The following ITPR2 variants were observed in gnomAD, a reference collection of about 807,000 sequenced individuals.
ITPR2 encodes inositol 1,4,5-trisphosphate-gated calcium channel ITPR2.
Under a neutral mutation model 317.1 loss-of-function variants are expected in ITPR2, and 207 were observed. That is an observed-to-expected ratio of 0.65 (90% CI 0.58 to 0.73). ITPR2 has a LOEUF of 0.73. Ranked by LOEUF, ITPR2 falls within the 30% of genes least tolerant of loss-of-function variation. ITPR2 has a pLI of 0.00. For missense variants in ITPR2, 2,613 were observed against 3,284.0 expected, an observed-to-expected ratio of 0.80 and a Z score of 4.99; for synonymous variants, 1,156 against 1,149.1, an observed-to-expected ratio of 1.01 and a Z score of -0.12.
chr12:26,565,063 T>G (rs946341916), intron 34 of ITPR2, among the ~76,000 whole-genome samples: 2 of 152,162 alleles, frequency 1.3e-5, no homozygotes, highest in African/African-American at 2.4e-5. Context: ...AACACGGACT[T>G]TATGTCCATC....
At chr12:26,609,519 G>T (rs561857490) in intron 26 of ITPR2, among the ~76,000 whole-genome samples, 64 of 152,098 alleles carry the variant, frequency 4.2e-4, no homozygotes, top group Non-Finnish European at 8.2e-4. Flanking sequence ...AGGGAGGATC[G>T]CTGGAGCCTA....
chr12:26,730,737 C>T (rs1949012547), intron 2 of ITPR2, among the ~76,000 whole-genome samples: 1 of 152,172 alleles, frequency 6.6e-6, no homozygotes, highest in Non-Finnish European at 1.5e-5. Context: ...AATTAAGCCA[C>T]TCAGAAGTGT....
chr12:26,459,268 G>T (rs899337893), intron 45 of ITPR2, among the ~76,000 whole-genome samples: 2 of 152,210 alleles, frequency 1.3e-5, no homozygotes, highest in African/African-American at 4.8e-5. Context: ...AATGCCACCA[G>T]TGTTTCTCTC....
At chr12:26,828,048 G>C (rs777679773) in intron 1 of ITPR2, among the ~76,000 whole-genome samples, 1 of 152,156 alleles carries the variant, frequency 6.6e-6, no homozygotes, top group Non-Finnish European at 1.5e-5. Context: ...TACCCCCAGG[G>C]GGATGGGCCA....
chr12:26,827,510 A>C (rs1951025968), intron 1 of ITPR2, among the ~76,000 whole-genome samples: 1 of 152,196 alleles, frequency 6.6e-6, no homozygotes, highest in African/African-American at 2.4e-5. Flanking sequence ...GGCCTCCAAG[A>C]GAGGTCCGGT....
Position 26,466,440 on chromosome 12 carries a change from C to A in ITPR2, c.6342+8856G>T, listed in dbSNP as rs1423262439. Among the ~76,000 whole-genome samples, 4 of 152,200 alleles carry A rather than the reference C, an allele frequency of 2.6e-5. No individual in the cohort carries two copies. The South Asian group carries it at 8.3e-4, about 31-fold the overall frequency. ...GCCAAGGCCTCGGGTATACTTAGAT[C>A]CTCTTTCCTTCTCATGGCTTTTGAT... is the stretch of plus-strand genomic sequence containing the variant. On this transcript the variant is annotated intron_variant, in intron 45 of 56. Coordinates refer to ENST00000381340, the MANE Select transcript of ITPR2 (RefSeq NM_002223.4).
At chr12:26,641,848 G>A (rs1042736446) in intron 21 of ITPR2, among the ~76,000 whole-genome samples, 1 of 152,138 alleles carries the variant, frequency 6.6e-6, no homozygotes, top group African/African-American at 2.4e-5. Flanking sequence ...GGTGGAATGA[G>A]GAGAGTCCTT....
rs113293759 is a variant in ITPR2 at position 26,635,784 on chromosome 12, T to C, written c.2741-3725A>G. On this transcript the variant is annotated intron_variant, in intron 21 of 56. Transcript: ENST00000381340. ...CTTGCTGGAAAATATCTTTACTTTC[T>C]AGAACTAGAGCAGTTTTCTATTTCA... Among the ~76,000 whole-genome samples, 970 of 152,342 alleles carry C rather than the reference T, an allele frequency of 6.4e-3. 8 individuals carry two copies. Among genetic ancestry groups the C allele is most frequent in the African/African-American group, 0.022 (899 of 41,592 alleles).
At position 26,394,839 on chromosome 12, in the gene ITPR2, G is replaced by T. The variant is rs1436371518; in HGVS notation, c.7696+4037C>A. Among the ~76,000 whole-genome samples, 2 of 152,158 alleles carry T rather than the reference G, an allele frequency of 1.3e-5. 1 individual carries two copies. The highest frequency in any genetic ancestry group is 4.8e-5 in the African/African-American group (2 of 41,442). ...GATGTGGGTGAGATTGTGAAGGTGG[G>T]TTCATTAGCGCATGGTAGCTAGGGC... On this transcript the variant is annotated intron_variant, in intron 54 of 56. Transcript: ENST00000381340.
intron 32 of ITPR2, among the ~76,000 whole-genome samples, chr12:26,583,972 C>T (rs1373144093): frequency 6.6e-6 from 1 of 152,054 alleles, no homozygotes; most frequent in Non-Finnish European, 1.5e-5. Context: ...GTAATAAGGA[C>T]ACAAATTATT....
At position 26,487,184 on chromosome 12, in the gene ITPR2, C is replaced by A. The variant is rs201167858; in HGVS notation, c.5438G>T (p.Arg1813Leu). Residue 1813 changes from arginine (R) to leucine (L), a missense_variant, in exon 40 of 57, where the codon CGA becomes CTA. By Grantham distance (102) the Arg-to-Leu change is moderately radical. Around this residue, in one of 9 missense-constraint regions of ITPR2, gnomAD observed 926 missense variants for 1,072.8 expected, o/e 0.86. Coordinates refer to ENST00000381340, the MANE Select transcript of ITPR2 (RefSeq NM_002223.4). ...TATTTCTTTCTGAGCAGCCTTCATT[C>A]GATCATAGAGAACTTTAAAGAATTT... is the stretch of plus-strand genomic sequence containing the variant. Reference protein sequence around the residue: ...SEKFFKVLYDRMKAAQKEIRS... With the variant: ...SEKFFKVLYDLMKAAQKEIRS... 1 of 1,612,870 alleles carries A rather than the reference C, an allele frequency of 6.2e-7. No homozygotes were observed. Among genetic ancestry groups the A allele is most frequent in the African/African-American group, 1.3e-5 (1 of 74,804 alleles).
chr12:26,568,371 C>CT (rs1455195838), intron 34 of ITPR2, among the ~76,000 whole-genome samples: 1 of 151,758 alleles, frequency 6.6e-6, no homozygotes, highest in Non-Finnish European at 1.5e-5. Context: ...AGAGCTCTGC[C>CT]TAGAGATAAC....
chr12:26,581,600 G>A (rs565022433), intron 32 of ITPR2, among the ~76,000 whole-genome samples: 3 of 152,178 alleles, frequency 2.0e-5, no homozygotes, highest in Admixed American at 6.6e-5. Context: ...AAATGAAAGA[G>A]GGATTAAGGA....
intron 50 of ITPR2, among the ~76,000 whole-genome samples, chr12:26,417,000 A>T (rs1284652501): frequency 6.6e-6 from 1 of 152,186 alleles, no homozygotes; most frequent in East Asian, 1.9e-4. Flanking sequence ...AAAGCTGTTG[A>T]CATTGGGCAA....
At chr12:26,822,682 A>T (rs886548052) in intron 1 of ITPR2, among the ~76,000 whole-genome samples, 1 of 152,200 alleles carries the variant, frequency 6.6e-6, no homozygotes, top group Non-Finnish European at 1.5e-5. Context: ...GGCACTGGGT[A>T]CTTCGCATAA....
intron 9 of ITPR2, among the ~76,000 whole-genome samples, chr12:26,708,063 G>GT (rs1304566209): frequency 3.9e-5 from 6 of 152,182 alleles, no homozygotes; most frequent in Admixed American, 3.9e-4. Context: ...ATCTCACCCC[G>GT]TTTAAAATGA....
intron 47 of ITPR2, among the ~76,000 whole-genome samples, chr12:26,438,107 T>C (rs200437088): frequency 1.0e-5 from 1 of 96,102 alleles, no homozygotes; most frequent in Non-Finnish European, 2.0e-5. Flanking sequence ...GGCCAGAAAA[T>C]ATATGTTTTT....
intron 20 of ITPR2, among the ~76,000 whole-genome samples, chr12:26,654,667 C>T (rs760964598): frequency 1.7e-4 from 26 of 152,066 alleles, no homozygotes; most frequent in Non-Finnish European, 3.5e-4. Context: ...GATTAGATTA[C>T]AGAAGACTGC....
intron 34 of ITPR2, among the ~76,000 whole-genome samples, chr12:26,565,707 T>A (rs921033990): frequency 4.0e-5 from 6 of 151,330 alleles, no homozygotes; most frequent in Non-Finnish European, 8.8e-5. Context: ...GGAGGCTGAG[T>A]CAGGTGGATC....
Sources: gnomAD v4.1 joint callset for allele counts (sites outside exome capture counted in the v4.1 genomes callset) on GRCh38, gnomAD v4.1.1 for gene constraint, gnomAD v4.1.1 regional missense constraint, MANE v1.5 for transcripts, NCBI Gene and HGNC (gene_info 2026-07-23, HGNC 2026-07-21) for gene names.